ACAT2: variants seen among roughly 807,000 people sequenced by gnomAD.
ACAT2 encodes acetyl-CoA acetyltransferase 2, also known as acetyl-CoA acetyltransferase, cytosolic.
ACAT2 carries 26 observed loss-of-function variants against 37.1 expected under a neutral mutation model. That is an observed-to-expected ratio of 0.70 (90% CI 0.51 to 0.97). The LOEUF (loss-of-function observed/expected upper bound fraction) is 0.97. Among genes scored for constraint, ACAT2 ranks in the 50% least tolerant of loss-of-function variants. The pLI, the probability that ACAT2 is intolerant of heterozygous loss-of-function variation, is 0.00. For synonymous variants in ACAT2, 156 were observed against 163.6 expected (o/e 0.95, Z 0.35); for missense variants, 468 against 489.0 (o/e 0.96, Z 0.40).
At position 159,767,000 on chromosome 6, in the gene ACAT2, T is replaced by C. The variant is rs766160685; in HGVS notation, c.191-5T>C. Reference sequence around the variant, plus strand: ...GCTAAGAGTCCTCTGTGTTCCTCTTTCTAGGCTGTGGGCAGAATCCTGTTA... The same window carrying C: ...GCTAAGAGTCCTCTGTGTTCCTCTTCCTAGGCTGTGGGCAGAATCCTGTTA... On this transcript the variant is annotated splice_region_variant and splice_polypyrimidine_tract_variant and intron_variant, in intron 2 of 8. Transcript: ENST00000367048. The C allele has an allele frequency of 5.0e-6, 8 of 1,613,974 alleles. No homozygotes were observed. In the South Asian group the frequency reaches 8.8e-5, roughly 18 times the overall value.
intron 4 of ACAT2, 92 bp downstream of exon 4, chr6:159,768,720 C>A: frequency 1.3e-6 from 1 of 771,014 alleles, no homozygotes; most frequent in Non-Finnish European, 2.2e-6. Flanking sequence ...GTCCTTATGG[C>A]CAGAGACTGT....
At chr6:159,765,342 C>T (rs555998272) in intron 2 of ACAT2, among the ~76,000 whole-genome samples, 10 of 152,194 alleles carry the variant, frequency 6.6e-5, no homozygotes, top group African/African-American at 2.4e-4. Flanking sequence ...TCTCGAACTT[C>T]TGACCTCAAG....
In ACAT2 at chr6:159,778,679, T is replaced by C. The variant is rs762545053; in HGVS notation, c.1044T>C (p.Ala348=). The change falls in exon 9 of 9, where the codon GCT becomes GCC. Residue 348 remains alanine, a synonymous_variant. Transcript: ENST00000367048. ...GTTAGGTCAATATTGAAGGAGGGGC[T>C]ATAGCCTTGGGCCACCCTCTTGGAG... ...NPEKVNIEGG[A]IALGHPLGAS... 28 of 1,614,104 alleles carry C rather than the reference T, an allele frequency of 1.7e-5. No homozygotes were observed. The Middle Eastern group carries it at 1.3e-3, about 76-fold the overall frequency.
chr6:159,764,969 C>T (rs897655229), intron 2 of ACAT2, among the ~76,000 whole-genome samples: 8 of 152,186 alleles, frequency 5.3e-5, no homozygotes, highest in Non-Finnish European at 1.0e-4. Flanking sequence ...AATCATGTAA[C>T]AAATGTTTAT....
chr6:159,762,356 G>A, intron 1 of ACAT2: 2 of 1,284,216 alleles, frequency 1.6e-6, no homozygotes, highest in African/African-American at 1.5e-5. Context: ...TGCGCACTCC[G>A]TCCCTCGTGC....
rs780485856 is a variant in ACAT2, at chr6:159,778,646, T to C, written c.1024-13T>C. 6.2e-7 allele frequency: 1 copy of C among 1,612,246 alleles called. No individual in the cohort carries two copies. The highest frequency in any genetic ancestry group is 1.7e-5 in the Admixed American group (1 of 59,832). On this transcript the variant is annotated splice_polypyrimidine_tract_variant and intron_variant, in intron 8 of 8. Coordinates refer to ENST00000367048, the MANE Select transcript of ACAT2 (RefSeq NM_005891.3). ...AGAAGAATAAACAATCTAAATCTTT[T>C]CTCCCCCGTTAGGTCAATATTGAAG...
At chr6:159,778,423 T>TAA (rs1562480807) in intron 8 of ACAT2, 143 bp downstream of exon 8, 1,996 of 83,336 alleles carry the variant, frequency 0.024, 16 homozygotes, top group South Asian at 0.045. Context: ...TTCCCAAGGT[T>TAA]TAAAAAAAAA....
intron 3 of ACAT2, 123 bp downstream of exon 3, chr6:159,767,309 A>T: frequency 9.7e-7 from 1 of 1,035,168 alleles, no homozygotes; most frequent in Admixed American, 2.4e-5. Flanking sequence ...ATAAACAGAA[A>T]TGACAACCTT....
intron 4 of ACAT2, among the ~76,000 whole-genome samples, chr6:159,769,272 T>C (rs969943983): frequency 6.6e-6 from 1 of 152,154 alleles, no homozygotes; most frequent in South Asian, 2.1e-4. Flanking sequence ...CTTAGGGATA[T>C]GGGAAGCAAT....
chr6:159,771,415 G>A (rs941819246), intron 4 of ACAT2, among the ~76,000 whole-genome samples: 2 of 152,016 alleles, frequency 1.3e-5, no homozygotes, highest in African/African-American at 4.8e-5. Flanking sequence ...GAGCCTTGGT[G>A]GTCTGCAGGA....
At chr6:159,763,176 T>C (rs1780185751) in intron 2 of ACAT2, 123 bp downstream of exon 2, 2 of 1,368,114 alleles carry the variant, frequency 1.5e-6, no homozygotes, top group East Asian at 4.8e-5. Flanking sequence ...GCCTCCTTGC[T>C]TTTGCTCAGA....
chr6:159,768,716 A>AAGACAGTCTC, intron 4 of ACAT2, 88 bp downstream of exon 4: 1 of 824,782 alleles, frequency 1.2e-6, no homozygotes, highest in Non-Finnish European at 2.0e-6. Context: ...TTTCGTCCTT[A>AAGACAGTCTC]TGGCCAGAGA....
chr6:159,762,260 C>T (rs1203274173), intron 1 of ACAT2, 118 bp downstream of exon 1: 2 of 1,339,310 alleles, frequency 1.5e-6, no homozygotes, highest in Non-Finnish European at 2.0e-6. Flanking sequence ...CAGGCCAAGC[C>T]GCGAGGAGCC....
chr6:159,778,765 G>T lies in ACAT2; in HGVS notation c.1130G>T (p.Arg377Leu). 1 of 1,614,236 alleles carries T rather than the reference G, an allele frequency of 6.2e-7. No homozygotes were observed. The highest frequency in any genetic ancestry group is 1.1e-5 in the South Asian group (1 of 91,086). Reference protein sequence around the residue: ...LHTLERMGRSRGVAALCIGGG... With the variant: ...LHTLERMGRSLGVAALCIGGG... ...ACACTGGAGAGAATGGGCAGAAGTC[G>T]TGGTGTTGCAGCCCTGTGCATTGGG... The change falls in exon 9 of 9, where the codon CGT becomes CTT. Residue 377 changes from arginine to leucine, a missense_variant. Physicochemically the swap from Arg to Leu is moderately radical, Grantham distance 102 (BLOSUM62 -2). Coordinates refer to ENST00000367048, the MANE Select transcript of ACAT2 (RefSeq NM_005891.3).
intron 2 of ACAT2, among the ~76,000 whole-genome samples, chr6:159,766,120 T>C (rs556763070): frequency 8.5e-5 from 13 of 152,336 alleles, no homozygotes; most frequent in South Asian, 6.2e-4. Flanking sequence ...TGAAAAGATA[T>C]TTGTGTTTCA....
intron 4 of ACAT2, among the ~76,000 whole-genome samples, chr6:159,772,105 G>A (rs565187832): frequency 1.3e-5 from 2 of 152,136 alleles, no homozygotes; most frequent in Non-Finnish European, 2.9e-5. Flanking sequence ...GGTGCCTGTA[G>A]TCCCAGCTAC....
In ACAT2 at chr6:159,772,345, T is replaced by G. The variant is rs547617805; in HGVS notation, c.491-2825T>G. On this transcript the variant is annotated intron_variant, in intron 4 of 8. Transcript: ENST00000367048. ...TACATGCTCTGATTTTAACATTACC[T>G]ATAAAGCTGTTGTAAACAAGACAAT... Among the ~76,000 whole-genome samples the G allele has an allele frequency of 1.1e-3, 172 of 152,332 alleles. 1 individual carries two copies. The highest frequency in any genetic ancestry group is 2.0e-3 in the Non-Finnish European group (134 of 68,040).
intron 4 of ACAT2, among the ~76,000 whole-genome samples, chr6:159,773,274 T>C (rs575931383): frequency 9.2e-5 from 14 of 152,220 alleles, no homozygotes; most frequent in Non-Finnish European, 1.5e-4. Flanking sequence ...TTACCATGAG[T>C]GTGTGTGTAT....
intron 2 of ACAT2, among the ~76,000 whole-genome samples, chr6:159,765,674 C>T (rs1369335265): frequency 5.3e-5 from 3 of 56,442 alleles, no homozygotes; most frequent in South Asian, 8.4e-4. Flanking sequence ...TCAAGTAATG[C>T]GCCCCCCTCC....
Sources: allele counts gnomAD v4.1 joint callset (sites outside exome capture counted in the v4.1 genomes callset), GRCh38; gene constraint gnomAD v4.1.1; transcripts MANE v1.5; gene names NCBI Gene and HGNC (gene_info 2026-07-23, HGNC 2026-07-21).